Variants in TDRD12 observed in about 807,000 individuals in gnomAD.
TDRD12 encodes putative ATP-dependent RNA helicase TDRD12.
TDRD12 carries 158 observed loss-of-function variants against 133.5 expected under a neutral mutation model. The ratio of observed to expected loss-of-function variants is 1.18; its 90% CI spans 1.04 to 1.35. TDRD12 has a LOEUF of 1.35. Among genes scored for constraint, TDRD12 ranks in the 40% most tolerant of loss-of-function variants. TDRD12 has a pLI of 0.00. For synonymous variants in TDRD12, 460 were observed against 477.9 expected (o/e 0.96, Z 0.49); for missense variants, 1,443 against 1,321.3 (o/e 1.09, Z -1.43).
At chr19:32,793,431 G>A (rs1293991990) in intron 13 of TDRD12, among the ~76,000 whole-genome samples, 1 of 152,128 alleles carries the variant, frequency 6.6e-6, no homozygotes, top group Non-Finnish European at 1.5e-5. Context: ...GATGGTGAAG[G>A]ATGATACCAG....
chr19:32,761,073 C>T (rs537551487), intron 8 of TDRD12, among the ~76,000 whole-genome samples: 26 of 152,260 alleles, frequency 1.7e-4, no homozygotes, highest in African/African-American at 5.8e-4. Flanking sequence ...AAAGAGACGT[C>T]GTTCAGCATC....
intron 6 of TDRD12, among the ~76,000 whole-genome samples, chr19:32,750,619 GT>G (rs1173665030): frequency 2.0e-5 from 3 of 152,172 alleles, no homozygotes; most frequent in African/African-American, 7.2e-5. Flanking sequence ...AATGTTGACA[GT>G]TTCCCGGCTG....
chr19:32,780,212 T>C (rs984651981), intron 11 of TDRD12, among the ~76,000 whole-genome samples: 3 of 151,580 alleles, frequency 2.0e-5, no homozygotes, highest in Non-Finnish European at 4.4e-5. Flanking sequence ...GCCTCCCGAG[T>C]AGCTGGGATT....
intron 18 of TDRD12, 48 bp from the exon 19 acceptor site, chr19:32,801,708 C>T (rs1216114446): frequency 3.0e-6 from 2 of 667,738 alleles, no homozygotes; most frequent in African/African-American, 1.9e-5. Context: ...GGTTGGCTTC[C>T]AGCCTATATC....
At chr19:32,761,636 A>G (rs1970153809) in intron 8 of TDRD12, among the ~76,000 whole-genome samples, 1 of 152,062 alleles carries the variant, frequency 6.6e-6, no homozygotes, top group Admixed American at 6.6e-5. Context: ...TCATATGCTT[A>G]TTTGCTGTTG....
intron 14 of TDRD12, chr19:32,796,205 C>T (rs1038912420): frequency 8.1e-6 from 8 of 984,748 alleles, no homozygotes; most frequent in Non-Finnish European, 9.6e-6. Flanking sequence ...CAGTGAAAAA[C>T]AGCAGTAAGA....
intron 21 of TDRD12, among the ~76,000 whole-genome samples, chr19:32,806,728 G>C (rs1041982140): frequency 6.6e-6 from 1 of 152,044 alleles, no homozygotes; most frequent in African/African-American, 2.4e-5. Flanking sequence ...CACCATCTTG[G>C]CTCACTGCAA....
chr19:32,772,834 TAA>T lies in TDRD12; in HGVS notation c.950_951del (p.Lys317ArgfsTer4). On this transcript the variant is annotated frameshift_variant, in exon 9 of 28. Coordinates refer to ENST00000444215, the Ensembl canonical transcript of TDRD12. LOFTEE classifies it high-confidence loss of function. ...GAAAAGAAACACCATTGCATCTCTT[TAA>T]AAGATACAAATAAGGTTGTATTTTA... 2 of 1,480,346 alleles carry T rather than the reference TAA, an allele frequency of 1.4e-6. No homozygotes were observed. Among genetic ancestry groups the T allele is most frequent in the Non-Finnish European group, 1.8e-6 (2 of 1,108,400 alleles). 91.7% of individuals were successfully genotyped at this position (1,480,346 alleles called of 1,614,324 possible).
At chr19:32,726,539 C>G (rs886326243) in intron 1 of TDRD12, among the ~76,000 whole-genome samples, 3 of 152,148 alleles carry the variant, frequency 2.0e-5, no homozygotes, top group African/African-American at 7.2e-5. Context: ...TGGCTTATTT[C>G]ACTCAGTATA....
intron 21 of TDRD12, among the ~76,000 whole-genome samples, chr19:32,803,601 G>T (rs1041699015): frequency 6.6e-6 from 1 of 152,152 alleles, no homozygotes; most frequent in African/African-American, 2.4e-5. Flanking sequence ...AAATGTGTAC[G>T]CATTTCTCTT....
chr19:32,804,883 G>A (rs566701295), intron 21 of TDRD12, among the ~76,000 whole-genome samples: 4 of 151,278 alleles, frequency 2.6e-5, no homozygotes, highest in Admixed American at 1.3e-4. Context: ...ACAACAGAGC[G>A]AGATTCCATC....
intron 3 of TDRD12, among the ~76,000 whole-genome samples, chr19:32,741,376 C>A (rs1969421103): frequency 6.6e-6 from 1 of 152,196 alleles, no homozygotes; most frequent in Non-Finnish European, 1.5e-5. Flanking sequence ...GCCACTGCGC[C>A]AGCCAAGAGG....
At chr19:32,767,092 TTTTATTTA>T (rs138456502) in intron 8 of TDRD12, among the ~76,000 whole-genome samples, 38,169 of 137,262 alleles carry the variant, frequency 0.28, 5,654 homozygotes, top group East Asian at 0.53. Context: ...TTTTCATGCA[TTTTATTTA>T]TTTATTTATT....
Position 32,771,636 on chromosome 19 carries a change from C to T in TDRD12, c.866-1117C>T, listed in dbSNP as rs562750537. Reference sequence around the variant, plus strand: ...TGATGGCATTGAACTACTTTGCGGACTTAGTGATTTTTGTTTGAGAGCTTA... The same window carrying T: ...TGATGGCATTGAACTACTTTGCGGATTTAGTGATTTTTGTTTGAGAGCTTA... On this transcript the variant is annotated intron_variant, in intron 8 of 27. Coordinates refer to ENST00000444215, the Ensembl canonical transcript of TDRD12. Among the ~76,000 whole-genome samples the T allele has an allele frequency of 9.6e-4, 144 of 149,296 alleles. 1 individual carries two copies. Among genetic ancestry groups the T allele is most frequent in the South Asian group, 1.9e-3 (9 of 4,730 alleles).
At chr19:32,728,510 G>T (rs531290676) in intron 1 of TDRD12, among the ~76,000 whole-genome samples, 1 of 152,090 alleles carries the variant, frequency 6.6e-6, no homozygotes, top group East Asian at 1.9e-4. Context: ...GTAGACAATT[G>T]TGTTCTTTAT....
In TDRD12 at chr19:32,791,146, C is replaced by G. The variant is rs559849886; in HGVS notation, c.1287+78C>G. 8 of 1,407,274 alleles carry G rather than the reference C, an allele frequency of 5.7e-6. No homozygotes were observed. In the East Asian group the frequency reaches 7.6e-5, roughly 13 times the overall value. The allele number at this position is 1,407,274 out of a possible 1,614,324, so 87.2% of individuals were successfully genotyped here. A position where few individuals can be genotyped will look rare whatever the true frequency, so the allele number is the denominator to read the frequency against. On this transcript the variant is annotated intron_variant, in intron 13 of 27. Transcript: ENST00000444215. ...GAGAAGGATTTTGAAATAAATGGCT[C>G]TAAGGTTGCATTGTATAATTTCTTT...
Position 32,802,805 on chromosome 19 carries a change from A to G in TDRD12, c.2331+16A>G. The G allele has an allele frequency of 6.5e-7, 1 of 1,536,504 alleles. No homozygotes were observed. The highest frequency in any genetic ancestry group is 8.7e-7 in the Non-Finnish European group (1 of 1,146,908). ...CGCTGAACAGGTTTGGTGAATTTTT[A>G]TTCTCTTCCATATTCCACTGGCATC... On this transcript the variant is annotated intron_variant, in intron 20 of 27. Coordinates refer to ENST00000444215, the Ensembl canonical transcript of TDRD12.
intron 11 of TDRD12, among the ~76,000 whole-genome samples, chr19:32,784,899 G>A (rs776055678): frequency 3.3e-5 from 5 of 151,964 alleles, no homozygotes; most frequent in Non-Finnish European, 7.4e-5. Context: ...TCTTGCTAGT[G>A]GTTTATCTAT....
downstream of TDRD12, among the ~76,000 whole-genome samples, chr19:32,825,320 T>A (rs1289307081): frequency 6.6e-6 from 1 of 152,208 alleles, no homozygotes. This position sits in a 1 kb window ranked among gnomAD's most constrained non-coding sequence, Gnocchi z 4.1. Context: ...GCTGTGAACA[T>A]TCTTACTCCG....
Sources: gnomAD v4.1 joint callset for allele counts (sites outside exome capture counted in the v4.1 genomes callset) on GRCh38, gnomAD v4.1.1 for gene constraint, Gnocchi (gnomAD v3.1) non-coding constraint, MANE v1.5 for transcripts, NCBI Gene and HGNC (gene_info 2026-07-23, HGNC 2026-07-21) for gene names.